The following WWOX variants were observed in gnomAD, a reference collection of about 807,000 sequenced individuals.
WWOX encodes the protein WW domain containing oxidoreductase, also known as WW domain-containing oxidoreductase.
In WWOX, 69 loss-of-function variants were observed where a neutral mutation model predicts 46.2. That is an observed-to-expected ratio of 1.49 (90% CI 1.23 to 1.82). The LOEUF (loss-of-function observed/expected upper bound fraction) is 1.82. Among genes scored for constraint, WWOX ranks in the 40% most tolerant of loss-of-function variants. The pLI is 0.00. For missense variants in WWOX, 919 were observed against 542.6 expected (o/e 1.69, Z -6.89); for synonymous variants, 359 against 202.6 (o/e 1.77, Z -6.56).
At chr16:78,746,809 C>G (rs965458873) in intron 8 of WWOX, among the ~76,000 whole-genome samples, 1 of 152,094 alleles carries the variant, frequency 6.6e-6, no homozygotes, top group Admixed American at 6.6e-5. Context: ...CCAACCTCAA[C>G]CAATTCTTAG....
chr16:78,811,469 C>CTCCTG (rs1186296686), intron 8 of WWOX, among the ~76,000 whole-genome samples: 5 of 151,876 alleles, frequency 3.3e-5, no homozygotes. Flanking sequence ...CCTTTCTCCT[C>CTCCTG]TCCTGTCCTT....
intron 8 of WWOX, among the ~76,000 whole-genome samples, chr16:79,029,566 A>G (rs11648506): frequency 0.024 from 3,708 of 152,296 alleles, 68 homozygotes; most frequent in Non-Finnish European, 0.04. Flanking sequence ...TGAAGTCTAT[A>G]AAAACTGTTT....
At chr16:78,310,018 C>G (rs539585279) in intron 5 of WWOX, among the ~76,000 whole-genome samples, 1 of 152,116 alleles carries the variant, frequency 6.6e-6, no homozygotes, top group Non-Finnish European at 1.5e-5. Flanking sequence ...CTCCTGTGAT[C>G]TGCACAATTA....
chr16:78,551,863 G>T (rs1054881386), intron 8 of WWOX: 1 of 152,190 alleles, frequency 6.6e-6, no homozygotes, highest in Non-Finnish European at 1.5e-5. Flanking sequence ...TCCCGTTCCA[G>T]GGTTAAGTGC....
intron 8 of WWOX, among the ~76,000 whole-genome samples, chr16:78,677,520 C>T (rs1029045974): frequency 1.3e-5 from 2 of 152,186 alleles, no homozygotes; most frequent in African/African-American, 4.8e-5. Context: ...TGGTCAGTTA[C>T]TCATTAGCAG....
At chr16:78,414,476 C>T (rs563788008) in intron 6 of WWOX, among the ~76,000 whole-genome samples, 7 of 152,230 alleles carry the variant, frequency 4.6e-5, no homozygotes, top group South Asian at 2.1e-4. Context: ...GGTTGAGGCA[C>T]GAGGATCACT....
At chr16:78,814,109 G>A (rs2051268527) in intron 8 of WWOX, among the ~76,000 whole-genome samples, 2 of 152,220 alleles carry the variant, frequency 1.3e-5, no homozygotes, top group South Asian at 4.1e-4. Flanking sequence ...GTGCAGGACA[G>A]TGTGTCATTG....
chr16:78,507,006 G>A (rs1057356245), intron 8 of WWOX, among the ~76,000 whole-genome samples: 2 of 152,128 alleles, frequency 1.3e-5, no homozygotes, highest in African/African-American at 2.4e-5. Flanking sequence ...GAGCCACCGT[G>A]CACGACCTCA....
intron 5 of WWOX, among the ~76,000 whole-genome samples, chr16:78,261,656 G>A (rs2079235727): frequency 6.7e-6 from 1 of 149,664 alleles, no homozygotes; most frequent in Admixed American, 6.6e-5. Flanking sequence ...GACTATGGAA[G>A]AACAATCTCA....
At chr16:78,418,863 C>A (rs767105941) in intron 6 of WWOX, among the ~76,000 whole-genome samples, 1 of 151,938 alleles carries the variant, frequency 6.6e-6, no homozygotes, top group Non-Finnish European at 1.5e-5. Flanking sequence ...GATTGAGTAC[C>A]GTCCCCTTAG....
chr16:78,489,751 AG>A (rs774365848), intron 8 of WWOX, among the ~76,000 whole-genome samples: 44 of 152,066 alleles, frequency 2.9e-4, no homozygotes, highest in Non-Finnish European at 4.9e-4. Flanking sequence ...GGATGGCTCA[AG>A]GGGAGTTTGG....
intron 8 of WWOX, among the ~76,000 whole-genome samples, chr16:78,495,031 C>T (rs1291847818): frequency 1.3e-5 from 2 of 151,692 alleles, no homozygotes; most frequent in African/African-American, 4.8e-5. Context: ...TGACGTACTG[C>T]AAAGTGAGGA....
chr16:78,456,988 T>C (rs1327825841), intron 8 of WWOX, among the ~76,000 whole-genome samples: 1 of 152,264 alleles, frequency 6.6e-6, no homozygotes, highest in Non-Finnish European at 1.5e-5. Context: ...GCAGCATTTT[T>C]GCTAACACTG....
chr16:78,910,608 A>G (rs550765747), intron 8 of WWOX, among the ~76,000 whole-genome samples: 124 of 151,888 alleles, frequency 8.2e-4, no homozygotes, highest in South Asian at 1.5e-3. Context: ...AAGAGGTTTA[A>G]TGGACTCACA....
chr16:78,796,362 G>C (rs1195364744), intron 8 of WWOX, among the ~76,000 whole-genome samples: 2 of 152,350 alleles, frequency 1.3e-5, no homozygotes, highest in African/African-American at 2.4e-5. Context: ...GGAAGAAAAA[G>C]TACAAGTTTC....
chr16:78,317,091 G>C (rs1597474865), intron 5 of WWOX, among the ~76,000 whole-genome samples: 1 of 152,174 alleles, frequency 6.6e-6, no homozygotes, highest in Non-Finnish European at 1.5e-5. Flanking sequence ...ATTGGCCCAG[G>C]AAATTGGAGG....
intron 8 of WWOX, among the ~76,000 whole-genome samples, chr16:78,999,441 G>A (rs545739296): frequency 6.6e-5 from 10 of 152,280 alleles, no homozygotes; most frequent in African/African-American, 2.4e-4. Context: ...TTGCACTCCA[G>A]CCTGGGCAGC....
intron 4 of WWOX, 119 bp downstream of exon 4, chr16:78,115,273 C>G: frequency 8.0e-7 from 1 of 1,245,640 alleles, no homozygotes; most frequent in Non-Finnish European, 1.2e-6. Flanking sequence ...TTATCCTTTT[C>G]AGATATCGTT....
chr16:78,135,560 A>G (rs1015781031), intron 4 of WWOX, among the ~76,000 whole-genome samples: 4 of 152,292 alleles, frequency 2.6e-5, no homozygotes, highest in African/African-American at 9.6e-5. Flanking sequence ...AGATTCTTCC[A>G]TTCTGTGAAC....
Sources: gnomAD v4.1 joint callset for allele counts (sites outside exome capture counted in the v4.1 genomes callset) on GRCh38, gnomAD v4.1.1 for gene constraint, MANE v1.5 for transcripts, NCBI Gene and HGNC (gene_info 2026-07-23, HGNC 2026-07-21) for gene names.